Variants in ATAD2B observed in about 807,000 individuals in gnomAD.
The protein encoded by ATAD2B is ATPase family AAA domain containing 2B, also known as ATPase family AAA domain-containing protein 2B.
A neutral mutation model predicts 167.6 loss-of-function variants in ATAD2B; 40 were observed. The observed-to-expected ratio is 0.24, with a 90% CI of 0.19 to 0.31. ATAD2B has a LOEUF of 0.31. ATAD2B is among the 10% of genes least tolerant of loss of function. ATAD2B has a pLI of 1.00. For synonymous variants in ATAD2B, 579 were observed against 596.5 expected, an observed-to-expected ratio of 0.97 and a Z score of 0.43; for missense variants, 1,242 against 1,757.2, an observed-to-expected ratio of 0.71 and a Z score of 5.24.
chr2:23,776,892 A>G (rs1032301038), intron 22 of ATAD2B, among the ~76,000 whole-genome samples: 9 of 152,182 alleles, frequency 5.9e-5, no homozygotes, highest in Admixed American at 4.6e-4. Context: ...GTTTCATATA[A>G]CTGTTACAGG....
chr2:23,891,837 C>T (rs1699554071), intron 2 of ATAD2B, among the ~76,000 whole-genome samples: 1 of 151,724 alleles, frequency 6.6e-6, no homozygotes, highest in African/African-American at 2.4e-5. Context: ...ACCAGTTTCA[C>T]TTTGCATTAG....
intron 11 of ATAD2B, 59 bp from the exon 12 acceptor site, chr2:23,863,614 A>G: frequency 1.4e-6 from 2 of 1,389,780 alleles, no homozygotes; most frequent in Non-Finnish European, 1.9e-6. Flanking sequence ...CTGATAACCA[A>G]TTTTAAAAAA....
rs948583927 is a variant in ATAD2B at position 23,903,382 on chromosome 2, T to C, written c.217-7412A>G. On this transcript the variant is annotated intron_variant, in intron 1 of 27. Coordinates refer to ENST00000238789, the MANE Select transcript of ATAD2B (RefSeq NM_017552.4). Reference sequence around the variant, plus strand: ...GATGAGATAACTTCCAAGAGAAGTATAATAATAATAATGTAAAATCCTACA... The same window carrying C: ...GATGAGATAACTTCCAAGAGAAGTACAATAATAATAATGTAAAATCCTACA... Among the ~76,000 whole-genome samples the C allele has an allele frequency of 3.3e-5, 5 of 152,144 alleles. No homozygotes were observed. The East Asian group carries it at 9.6e-4, about 29-fold the overall frequency.
At chr2:23,778,989 T>C (rs766458424) in intron 22 of ATAD2B, among the ~76,000 whole-genome samples, 2 of 152,004 alleles carry the variant, frequency 1.3e-5, no homozygotes, top group African/African-American at 4.8e-5. Context: ...GTTGTACGGG[T>C]TGTACCCTCA....
chr2:23,907,295 A>C (rs988127726), intron 1 of ATAD2B, among the ~76,000 whole-genome samples: 1 of 152,138 alleles, frequency 6.6e-6, no homozygotes, highest in Non-Finnish European at 1.5e-5. Flanking sequence ...TCAATGTGCA[A>C]AAATCACAAG....
the ATAD2B span, among the ~76,000 whole-genome samples, chr2:23,716,813 T>G: frequency 1.3e-5 from 2 of 152,224 alleles, no homozygotes; most frequent in African/African-American, 4.8e-5. Flanking sequence ...AGACTGGTGC[T>G]GGTGCCACTA....
chr2:23,838,812 G>A (rs938150873), intron 13 of ATAD2B, among the ~76,000 whole-genome samples: 4 of 151,894 alleles, frequency 2.6e-5, no homozygotes, highest in Non-Finnish European at 5.9e-5. Flanking sequence ...TCTGGGCTCC[G>A]TTCCATTCAT....
At chr2:23,915,586 CTTTTTTTTTTTTT>C (rs869032768) in intron 1 of ATAD2B, among the ~76,000 whole-genome samples, 3 of 65,248 alleles carry the variant, frequency 4.6e-5, no homozygotes, top group African/African-American at 6.0e-5. Context: ...ACTACCGATT[CTTTTTTTTTTTTT>C]TTTTTTTTTT....
At position 23,899,315 on chromosome 2, in the gene ATAD2B, A is replaced by C. The variant is rs184028668; in HGVS notation, c.217-3345T>G. 2.7e-3 allele frequency among the ~76,000 whole-genome samples: 408 copies of C among 151,844 alleles called. 3 individuals are homozygous for C. The highest frequency in any genetic ancestry group is 9.0e-3 in the African/African-American group (373 of 41,476). On this transcript the variant is annotated intron_variant, in intron 1 of 27. Coordinates refer to ENST00000238789, the MANE Select transcript of ATAD2B (RefSeq NM_017552.4). ...CAAGACCCCATCTCAAAAAAAAAAA[A>C]AAAAAAGCCACAAGGCCACACTGGT...
chr2:23,693,427 A>G, the ATAD2B span: 1 of 1,551,610 alleles, frequency 6.4e-7, no homozygotes, highest in East Asian at 2.4e-5. Context: ...GGACGACTTC[A>G]TCGCCTACGT....
At chr2:23,708,096 T>C in the ATAD2B span, 2 of 152,202 alleles carry the variant, frequency 1.3e-5, no homozygotes, top group East Asian at 3.9e-4. Context: ...ATAACAACCA[T>C]TTATAAGAGA....
intron 6 of ATAD2B, among the ~76,000 whole-genome samples, chr2:23,883,274 T>C (rs1698218424): frequency 9.9e-6 from 1 of 101,284 alleles, no homozygotes; most frequent in African/African-American, 3.7e-5. Context: ...AGTGAAAAAC[T>C]GTCTCAAAAA....
At chr2:23,699,010 C>T in the ATAD2B span, among the ~76,000 whole-genome samples, 4 of 152,264 alleles carry the variant, frequency 2.6e-5, no homozygotes, top group Admixed American at 2.0e-4. Context: ...GAACTTCTGA[C>T]ACTGTCCAAA....
chr2:23,911,454 C>T (rs1051885739), intron 1 of ATAD2B, among the ~76,000 whole-genome samples: 1 of 151,952 alleles, frequency 6.6e-6, no homozygotes, highest in Non-Finnish European at 1.5e-5. Context: ...ACTTGGGAGG[C>T]TGAGGTGGGA....
At chr2:23,691,221 A>C in the ATAD2B span, 1 of 216,802 alleles carries the variant, frequency 4.6e-6, no homozygotes, top group South Asian at 7.8e-5. Flanking sequence ...ATATCTCTGG[A>C]TTGGCTGGCA....
At chr2:23,732,611 AAAT>A in the ATAD2B span, among the ~76,000 whole-genome samples, 6 of 152,330 alleles carry the variant, frequency 3.9e-5, no homozygotes, top group African/African-American at 1.4e-4. Flanking sequence ...ATTCATAAAT[AAAT>A]ATTTGATGGA....
At chr2:23,682,333 A>T in the ATAD2B span, among the ~76,000 whole-genome samples, 3 of 152,048 alleles carry the variant, frequency 2.0e-5, no homozygotes, top group Admixed American at 6.5e-5. The surrounding 1 kb of genome is among the most constrained non-coding windows in gnomAD (Gnocchi z 4.1). Flanking sequence ...GGCTCTGAGG[A>T]TGTGGGTCCC....
chr2:23,914,204 C>T lies in ATAD2B; in HGVS notation c.216+12351G>A, dbSNP rs145510906. On this transcript the variant is annotated intron_variant, in intron 1 of 27. Coordinates refer to ENST00000238789, the MANE Select transcript of ATAD2B (RefSeq NM_017552.4). ...GAGAACTTAATGTATTACAAAGTGG[C>T]ACCACAAAGGACAGGTTGTCTATCA... Among the ~76,000 whole-genome samples the T allele has an allele frequency of 1.6e-4, 24 of 152,212 alleles. 1 individual carries two copies. The highest frequency in any genetic ancestry group is 1.6e-3 in the Admixed American group (24 of 15,282).
chr2:23,788,113 A>C (rs1681094314), intron 20 of ATAD2B: 2 of 169,902 alleles, frequency 1.2e-5, no homozygotes. Context: ...CTAAGCAGCT[A>C]TTAGCCCATC....
Sources: gnomAD v4.1 joint callset for allele counts (sites outside exome capture counted in the v4.1 genomes callset) on GRCh38, gnomAD v4.1.1 for gene constraint, Gnocchi (gnomAD v3.1) non-coding constraint, MANE v1.5 for transcripts, NCBI Gene and HGNC (gene_info 2026-07-23, HGNC 2026-07-21) for gene names.